HUWE1: variants seen among roughly 807,000 people sequenced by gnomAD.
The protein encoded by HUWE1 is HECT, UBA and WWE domain containing E3 ubiquitin protein ligase 1, also known as E3 ubiquitin-protein ligase HUWE1.
In HUWE1, 18 loss-of-function variants were observed where a neutral mutation model predicts 299.4. The observed-to-expected ratio is 0.06, with a 90% CI of 0.04 to 0.09. The LOEUF (loss-of-function observed/expected upper bound fraction) is 0.09, where lower values mean the gene tolerates loss of function less well. HUWE1 is among the 10% of genes least tolerant of loss of function. HUWE1 has a pLI of 1.00. For missense variants in HUWE1, 1,832 were observed against 3,462.3 expected (o/e 0.53, Z 11.82); for synonymous variants, 1,317 against 1,286.1 (o/e 1.02, Z -0.51).
chrX:53,679,672 T>C (rs797043795), intron 3 of HUWE1, among the ~76,000 whole-genome samples: 1 of 111,767 alleles, frequency 8.9e-6, no homozygotes, highest in Non-Finnish European at 1.9e-5. Context: ...ATAGATGAAA[T>C]AGAATGTGCA....
At chrX:53,624,101 G>A (rs1453830219) in intron 19 of HUWE1, among the ~76,000 whole-genome samples, 2 of 111,805 alleles carry the variant, frequency 1.8e-5, no homozygotes, top group East Asian at 5.6e-4. Flanking sequence ...ATATCTACCC[G>A]GCCTCTCTGT....
At position 53,541,433 on chromosome X, in the gene HUWE1, C is replaced by CA. The variant is rs1161806437; in HGVS notation, c.11476+1009dup. On this transcript the variant is annotated intron_variant, in intron 74 of 83. Transcript: ENST00000262854. ...CGAAACCCTGTCTCTACTAAAAATA[C>CA]AAAAAAAAAAATTAGCCAGGCATGG... 5.2e-3 allele frequency among the ~76,000 whole-genome samples: 540 copies of CA among 103,356 alleles called. 6 individuals are homozygous for CA. Among genetic ancestry groups the CA allele is most frequent in the African/African-American group, 0.016 (466 of 28,605 alleles). The allele number at this position is 103,356 out of a possible 115,157, so 89.8% of individuals were successfully genotyped here.
intron 37 of HUWE1, among the ~76,000 whole-genome samples, chrX:53,587,845 A>T (rs1457275962): frequency 5.4e-5 from 6 of 111,975 alleles, no homozygotes; most frequent in African/African-American, 1.9e-4. Flanking sequence ...CCTAGTTCCT[A>T]CGTTGGTTGG....
chrX:53,658,556 C>T (rs1481818094), intron 3 of HUWE1, among the ~76,000 whole-genome samples: 1 of 111,317 alleles, frequency 9.0e-6, no homozygotes, highest in African/African-American at 3.3e-5. Context: ...AGTAGACCCA[C>T]ATAAATATTG....
At chrX:53,590,674 C>T (rs2064109174) in intron 34 of HUWE1, among the ~76,000 whole-genome samples, 175 bp from the exon 35 acceptor site, 1 of 112,289 alleles carries the variant, frequency 8.9e-6, no homozygotes, top group Non-Finnish European at 1.9e-5. Context: ...GTGGTTACTA[C>T]AAACAAGAAC....
chrX:53,589,439 C>A, intron 36 of HUWE1, 108 bp downstream of exon 36: 1 of 715,584 alleles, frequency 1.4e-6, no homozygotes, highest in Non-Finnish European at 2.2e-6. Flanking sequence ...AGAGAATATA[C>A]CCATATCAGG....
chrX:53,680,257 A>G (rs2070058208), intron 2 of HUWE1, 71 bp from the exon 3 acceptor site: 2 of 290,898 alleles, frequency 6.9e-6, no homozygotes, highest in African/African-American at 5.5e-5. Flanking sequence ...AGGAGGGTTA[A>G]CCATTCTATT....
intron 6 of HUWE1, among the ~76,000 whole-genome samples, chrX:53,646,411 A>C (rs2068054101): frequency 9.0e-6 from 1 of 110,563 alleles, no homozygotes; most frequent in African/African-American, 3.3e-5. Flanking sequence ...TCCCGCCTCA[A>C]CCTCCCAAAG....
In HUWE1 at chrX:53,533,282, A is replaced by T. The variant is rs2060848800; in HGVS notation, c.*27T>A. On this transcript the variant is annotated 3_prime_UTR_variant, in exon 84 of 84. Transcript: ENST00000262854. ...CCCCAGGTCCAACAATGGTAAAAAA[A>T]ACCCCACGGAGTTGGGCAGGGCCTT... 1 of 1,038,370 alleles carries T rather than the reference A, an allele frequency of 9.6e-7. No individual in the cohort carries two copies. The highest frequency in any genetic ancestry group is 1.8e-5 in the African/African-American group (1 of 54,367). 85.6% of individuals were successfully genotyped at this position (1,038,370 alleles called of 1,213,427 possible).
Position 53,576,895 on chromosome X carries a change from C to A in HUWE1, c.5884+5G>T. ...CCAGCCTCCTGAGGTAGGCTAGCCACATACCTTCCTCTGGAGCATGGTATG... is the reference window on the plus strand; with the variant it reads ...CCAGCCTCCTGAGGTAGGCTAGCCAAATACCTTCCTCTGGAGCATGGTATG... On this transcript the variant is annotated splice_donor_5th_base_variant and intron_variant, in intron 44 of 83. Transcript: ENST00000262854. The A allele has an allele frequency of 8.3e-7, 1 of 1,211,041 alleles. No individual in the cohort carries two copies. Among genetic ancestry groups the A allele is most frequent in the East Asian group, 3.0e-5 (1 of 33,840 alleles).
intron 3 of HUWE1, among the ~76,000 whole-genome samples, chrX:53,663,400 C>T (rs1443792525): frequency 8.1e-5 from 9 of 111,479 alleles, no homozygotes; most frequent in African/African-American, 2.6e-4. Flanking sequence ...GTAATCCCAG[C>T]TACTTCGGAG....
At chrX:53,601,690 C>T (rs1221584397) in intron 28 of HUWE1, among the ~76,000 whole-genome samples, 1 of 93,380 alleles carries the variant, frequency 1.1e-5, no homozygotes, top group Non-Finnish European at 2.1e-5. Flanking sequence ...TTTCCTGAGG[C>T]GGTGTTTCGC....
At position 53,593,353 on chromosome X, in the gene HUWE1, T is replaced by C; in HGVS notation, c.3741+11A>G. On this transcript the variant is annotated intron_variant, in intron 32 of 83. Transcript: ENST00000262854. ...GAAATTCCTTTTGATTTTAGAATACTGAATACTCACTTTCTGAGTTACCAC... is the reference window on the plus strand; with the variant it reads ...GAAATTCCTTTTGATTTTAGAATACCGAATACTCACTTTCTGAGTTACCAC... 1 of 1,097,934 alleles carries C rather than the reference T, an allele frequency of 9.1e-7. No homozygotes were observed. The highest frequency in any genetic ancestry group is 1.3e-6 in the Non-Finnish European group (1 of 791,747). The allele number at this position is 1,097,934 out of a possible 1,213,427, so 90.5% of individuals were successfully genotyped here.
At position 53,543,627 on chromosome X, in the gene HUWE1, G is replaced by A. The variant is rs2061440335; in HGVS notation, c.11379+214C>T. 5 of 503,002 alleles carry A rather than the reference G, an allele frequency of 9.9e-6. No individual in the cohort carries two copies. The Admixed American group carries it at 1.0e-4, about 10-fold the overall frequency. 41.5% of individuals were successfully genotyped at this position (503,002 alleles called of 1,213,427 possible). On this transcript the variant is annotated intron_variant, in intron 73 of 83. Coordinates refer to ENST00000262854, the MANE Select transcript of HUWE1 (RefSeq NM_031407.7). ...CTGTTGACTGGATAGCTGGGAGTGG[G>A]GTATGATGGCCAAGCTTTAAATCAA... is the stretch of plus-strand genomic sequence containing the variant.
intron 52 of HUWE1, 103 bp downstream of exon 52, chrX:53,563,643 T>A: frequency 2.2e-6 from 2 of 926,400 alleles, no homozygotes; most frequent in Non-Finnish European, 3.0e-6. Flanking sequence ...AGGCTGGCTA[T>A]GAGCCCTTAG....
chrX:53,569,324 C>T (rs781916575), intron 48 of HUWE1, among the ~76,000 whole-genome samples: 1 of 112,789 alleles, frequency 8.9e-6, no homozygotes, highest in South Asian at 3.7e-4. Context: ...CGTGCCCAGC[C>T]CCTACTTTAA....
intron 17 of HUWE1, 92 bp from the exon 18 acceptor site, chrX:53,625,350 T>C (rs1470612866): frequency 5.3e-6 from 3 of 564,249 alleles, no homozygotes; most frequent in East Asian, 6.6e-5. Context: ...GAGATCCAAA[T>C]ACACTATAAT....
intron 31 of HUWE1, 144 bp from the exon 32 acceptor site, chrX:53,593,745 T>G: frequency 2.1e-6 from 1 of 478,026 alleles, no homozygotes; most frequent in Non-Finnish European, 3.7e-6. Flanking sequence ...TCCAACAGTT[T>G]TCAGCTATAC....
At chrX:53,565,559 GA>G (rs2062486172) in intron 49 of HUWE1, among the ~76,000 whole-genome samples, 1 of 106,432 alleles carries the variant, frequency 9.4e-6, no homozygotes, top group South Asian at 4.0e-4. Flanking sequence ...ATGTACTCAG[GA>G]TTTTTTTTTT....
Sources: allele counts gnomAD v4.1 joint callset (sites outside exome capture counted in the v4.1 genomes callset), GRCh38; gene constraint gnomAD v4.1.1; transcripts MANE v1.5; gene names NCBI Gene and HGNC (gene_info 2026-07-23, HGNC 2026-07-21).